SFI1: variants seen among roughly 807,000 people sequenced by gnomAD.
SFI1 encodes protein SFI1 homolog.
SFI1 carries 195 observed loss-of-function variants against 207.5 expected under a neutral mutation model. That is an observed-to-expected ratio of 0.94 (90% CI 0.84 to 1.06). SFI1 has a LOEUF of 1.06. Ranked by LOEUF, SFI1 falls within the 50% of genes least tolerant of loss-of-function variation. The pLI is 0.00. For missense variants in SFI1, 1,634 were observed against 1,588.0 expected (o/e 1.03, Z -0.49); for synonymous variants, 630 against 598.9 (o/e 1.05, Z -0.76).
intron 2 of SFI1, among the ~76,000 whole-genome samples, chr22:31,512,863 T>A (rs556954389): frequency 7.9e-5 from 12 of 152,208 alleles, no homozygotes; most frequent in African/African-American, 2.9e-4. Flanking sequence ...ATTTTTTGTA[T>A]TTTTAGTAGA....
intron 4 of SFI1, among the ~76,000 whole-genome samples, chr22:31,544,414 C>T (rs549225623): frequency 1.4e-5 from 2 of 146,394 alleles, no homozygotes; most frequent in African/African-American, 5.0e-5. Context: ...GACATTACTA[C>T]TTTTTAGTAA....
chr22:31,507,882 C>G (rs907701067), intron 1 of SFI1, among the ~76,000 whole-genome samples: 1 of 152,046 alleles, frequency 6.6e-6, no homozygotes, highest in Admixed American at 6.6e-5. Context: ...TGAGACCAGC[C>G]TGGCCAACAT....
At chr22:31,612,378 T>TAAAAAAA (rs1211677628) in intron 24 of SFI1, 2 of 62,264 alleles carry the variant, frequency 3.2e-5, no homozygotes, top group South Asian at 7.0e-4. Context: ...AGACTCTGTC[T>TAAAAAAA]AAAAAAAAAA....
rs922418013 is a variant in SFI1 at position 31,559,664 on chromosome 22, G to A, written c.663-1626G>A. ...CAAGTGGGCAGGAGAACTCACTGAG[G>A]ATGAGATGGAACGTGTGATGACCAT... On this transcript the variant is annotated intron_variant, in intron 7 of 32. Coordinates refer to ENST00000400288, the MANE Select transcript of SFI1 (RefSeq NM_001007467.3). 6.7e-6 allele frequency: 5 copies of A among 745,042 alleles called. No individual in the cohort carries two copies. In the African/African-American group the frequency reaches 8.6e-5, roughly 13 times the overall value. 46.2% of individuals were successfully genotyped at this position (745,042 alleles called of 1,614,324 possible).
chr22:31,563,075 C>CCT (rs1449000776), intron 8 of SFI1, among the ~76,000 whole-genome samples: 1 of 151,234 alleles, frequency 6.6e-6, no homozygotes, highest in Non-Finnish European at 1.5e-5. Context: ...CTCACTGCAA[C>CCT]CTCTGCCTCC....
intron 4 of SFI1, among the ~76,000 whole-genome samples, chr22:31,543,797 G>T (rs561395685): frequency 7.0e-6 from 1 of 143,226 alleles, no homozygotes. Context: ...GCGACAAAGC[G>T]AGACTCCATC....
At chr22:31,572,844 C>T (rs2063093733) in intron 8 of SFI1, 1 of 423,266 alleles carries the variant, frequency 2.4e-6, no homozygotes, top group Non-Finnish European at 4.2e-6. Flanking sequence ...TTTTTTTAAT[C>T]CAGGAAAAAA....
chr22:31,589,362 A>G (rs2065506994), intron 14 of SFI1, 85 bp from the exon 15 acceptor site: 1 of 1,185,634 alleles, frequency 8.4e-7, no homozygotes, highest in Non-Finnish European at 1.1e-6. Flanking sequence ...ATAGGAAGCA[A>G]TCCTCCCACA....
chr22:31,587,004 A>C (rs1436652553), intron 14 of SFI1, among the ~76,000 whole-genome samples: 1 of 152,130 alleles, frequency 6.6e-6, no homozygotes, highest in Non-Finnish European at 1.5e-5. Context: ...TAAAAATATT[A>C]TTTTTTGTGG....
At chr22:31,545,675 G>A (rs1174239935) in intron 4 of SFI1, among the ~76,000 whole-genome samples, 1 of 151,662 alleles carries the variant, frequency 6.6e-6, no homozygotes, top group African/African-American at 2.4e-5. Flanking sequence ...TCTGCCCCCT[G>A]GTTCAAGCGA....
intron 1 of SFI1, among the ~76,000 whole-genome samples, chr22:31,498,226 C>T (rs1410220019): frequency 6.6e-6 from 1 of 152,012 alleles, no homozygotes; most frequent in Non-Finnish European, 1.5e-5. Flanking sequence ...ACCCGGGAGG[C>T]GGAGCTTGCA....
Position 31,604,365 on chromosome 22 carries a change from C to A in SFI1, c.1938C>A (p.His646Gln). The change falls in exon 19 of 33, where the codon CAC becomes CAA. Residue 646 changes from histidine (H) to glutamine (Q), a missense_variant. By Grantham distance (24) the His-to-Gln change is conservative (BLOSUM62 0). Coordinates refer to ENST00000400288, the MANE Select transcript of SFI1 (RefSeq NM_001007467.3). ...RQKLMRADLH[H>Q]QHSVLHRALQ... ...AGCTGATGCGAGCAGACCTGCACCA[C>A]CAGCACAGCGTGCTGCACAGGGCGC... The A allele has an allele frequency of 1.3e-6, 2 of 1,576,046 alleles. No homozygotes were observed. The highest frequency in any genetic ancestry group is 2.3e-5 in the East Asian group (1 of 43,496).
In SFI1 at chr22:31,593,987, CGAGGGA is replaced by C. The variant is rs553687009; in HGVS notation, c.1544+4423_1544+4428del. Among the ~76,000 whole-genome samples the C allele has an allele frequency of 3.6e-4, 19 of 53,164 alleles. 1 individual carries two copies. The highest frequency in any genetic ancestry group is 1.1e-3 in the African/African-American group (19 of 17,010). The allele number at this position is 53,164 out of a possible 152,430, so 34.9% of individuals were successfully genotyped here. ...GAGGGAGACCATGGGGAGACGGAGA[CGAGGGA>C]GAGGGAGAGGGACAGGGAGAGGGAG... On this transcript the variant is annotated intron_variant, in intron 15 of 32. Transcript: ENST00000400288.
At chr22:31,518,821 G>A (rs1321855805) in intron 2 of SFI1, among the ~76,000 whole-genome samples, 3 of 152,174 alleles carry the variant, frequency 2.0e-5, no homozygotes, top group African/African-American at 4.8e-5. Context: ...TATGTGTTAG[G>A]CAGAGGGTAC....
intron 2 of SFI1, among the ~76,000 whole-genome samples, chr22:31,510,742 TC>T (rs1330985234): frequency 6.6e-6 from 1 of 152,216 alleles, no homozygotes; most frequent in Non-Finnish European, 1.5e-5. Flanking sequence ...CTGTGTTTCT[TC>T]CTGAGTTAAT....
At chr22:31,611,413 C>T (rs1307069991) in intron 23 of SFI1, 110 bp downstream of exon 23, 26 of 1,329,038 alleles carry the variant, frequency 2.0e-5, no homozygotes, top group East Asian at 5.1e-5. Flanking sequence ...TCCATGCAGC[C>T]GGTATGAGTG....
At chr22:31,614,156 G>A (rs749404350) in intron 27 of SFI1, 9 of 418,552 alleles carry the variant, frequency 2.2e-5, no homozygotes, top group East Asian at 1.1e-4. Context: ...GATCTTTTCC[G>A]GAGTCATACA....
At chr22:31,561,498 G>A in intron 8 of SFI1, 106 bp downstream of exon 8, 2 of 929,496 alleles carry the variant, frequency 2.2e-6, no homozygotes, top group Non-Finnish European at 3.2e-6. Context: ...GCCTGAGAGG[G>A]GGTGGGGACA....
At chr22:31,552,598 C>T (rs1454097878) in intron 6 of SFI1, among the ~76,000 whole-genome samples, 1 of 152,130 alleles carries the variant, frequency 6.6e-6, no homozygotes, top group East Asian at 1.9e-4. Context: ...AGGTTGATTC[C>T]ATGACTTTGC....
Sources: gnomAD v4.1 joint callset for allele counts (sites outside exome capture counted in the v4.1 genomes callset) on GRCh38, gnomAD v4.1.1 for gene constraint, MANE v1.5 for transcripts, NCBI Gene and HGNC (gene_info 2026-07-23, HGNC 2026-07-21) for gene names.